The following ADARB1 variants were observed in gnomAD, a reference collection of about 807,000 sequenced individuals.
The protein encoded by ADARB1 is double-stranded RNA-specific editase 1.
In ADARB1, 10 loss-of-function variants were observed where a neutral mutation model predicts 52.4. The ratio of observed to expected loss-of-function variants is 0.19; its 90% CI spans 0.12 to 0.32. The LOEUF (loss-of-function observed/expected upper bound fraction) is 0.32, where lower values mean the gene tolerates loss of function less well. ADARB1 is among the 10% of genes least tolerant of loss of function. The pLI is 1.00. For synonymous variants in ADARB1, 349 were observed against 371.1 expected (o/e 0.94, Z 0.68); for missense variants, 643 against 922.3 (o/e 0.70, Z 3.92).
rs1232993090 is a variant in ADARB1, at chr21:45,157,676, T to C, written c.-47-13934T>C. Among the ~76,000 whole-genome samples, 3 of 151,916 alleles carry C rather than the reference T, an allele frequency of 2.0e-5. No homozygotes were observed. Among genetic ancestry groups the C allele is most frequent in the African/African-American group, 7.3e-5 (3 of 41,316 alleles). ...CAGTGTGGCTCTGTATGTGTGAACATGTATGGACATATGTGCATAGGGTGG... is the reference window on the plus strand; with the variant it reads ...CAGTGTGGCTCTGTATGTGTGAACACGTATGGACATATGTGCATAGGGTGG... On this transcript the variant is annotated intron_variant, in intron 2 of 10. Transcript: ENST00000348831. This position sits in a 1 kb window ranked among gnomAD's most constrained non-coding sequence, Gnocchi z 4.1.
chr21:45,192,091 G>A lies in ADARB1; in HGVS notation c.1565+7000G>A, dbSNP rs766386647. Reference sequence around the variant, plus strand: ...AAGGTTTGAGGCTTCTTTGAAATAAGCCAGTCGATTGTGGCATTCAGGCAG... The same window carrying A: ...AAGGTTTGAGGCTTCTTTGAAATAAACCAGTCGATTGTGGCATTCAGGCAG... On this transcript the variant is annotated intron_variant, in intron 8 of 10. Coordinates refer to ENST00000348831, the MANE Select transcript of ADARB1 (RefSeq NM_001112.4). Among the ~76,000 whole-genome samples, 175 of 151,768 alleles carry A rather than the reference G, an allele frequency of 1.2e-3. 1 individual carries two copies. Among genetic ancestry groups the A allele is most frequent in the Middle Eastern group, 3.4e-3 (1 of 294 alleles).
chr21:45,089,792 G>A (rs954190305), intron 1 of ADARB1, among the ~76,000 whole-genome samples: 2 of 152,122 alleles, frequency 1.3e-5, no homozygotes, highest in Non-Finnish European at 1.5e-5. Context: ...TATTATTCTT[G>A]TGTGATAAAG....
Position 45,224,474 on chromosome 21 carries a change from A to T in ADARB1, c.*2277A>T. 1 of 841,884 alleles carries T rather than the reference A, an allele frequency of 1.2e-6. No individual in the cohort carries two copies. Among genetic ancestry groups the T allele is most frequent in the Non-Finnish European group, 1.3e-6 (1 of 765,298 alleles). 52.2% of individuals were successfully genotyped at this position (841,884 alleles called of 1,614,324 possible). ...AGGCAGGAGGAAGGCAGCCAAGGCA[A>T]CTGGGTTCTGGGAGCCCTGGGTGGG... On this transcript the variant is annotated 3_prime_UTR_variant, in exon 11 of 11. Transcript: ENST00000348831.
intron 1 of ADARB1, chr21:45,116,884 C>G (rs1013690977): frequency 3.3e-5 from 5 of 152,086 alleles, no homozygotes; most frequent in Non-Finnish European, 7.4e-5. Context: ...CATGGCCAAA[C>G]AATATCTGTG....
chr21:45,221,549 G>T lies in ADARB1; in HGVS notation c.1927-469G>T, dbSNP rs1459335903. ...CCAGCATTGTGCACTGGCATGGGAG[G>T]TATAGCCAGAAGGGACAGTGCCCGG... On this transcript the variant is annotated intron_variant, in intron 10 of 10. Transcript: ENST00000348831. The surrounding 1 kb of genome is among the most constrained non-coding windows in gnomAD (Gnocchi z 4.9). Among the ~76,000 whole-genome samples, 1 of 152,180 alleles carries T rather than the reference G, an allele frequency of 6.6e-6. No homozygotes were observed. Among genetic ancestry groups the T allele is most frequent in the Non-Finnish European group, 1.5e-5 (1 of 68,040 alleles).
chr21:45,174,545 A>G (rs756982325), intron 3 of ADARB1, among the ~76,000 whole-genome samples: 2 of 152,162 alleles, frequency 1.3e-5, no homozygotes, highest in Non-Finnish European at 2.9e-5. Context: ...TCTACTAAAA[A>G]TACAAAAATT....
chr21:45,153,454 T>C (rs764587150), intron 2 of ADARB1, among the ~76,000 whole-genome samples: 3 of 152,148 alleles, frequency 2.0e-5, no homozygotes, highest in African/African-American at 4.8e-5. Context: ...CCTCTGCCTC[T>C]GTGTCTTCTG....
At chr21:45,163,032 G>A (rs1225531483) in intron 2 of ADARB1, among the ~76,000 whole-genome samples, 1 of 152,182 alleles carries the variant, frequency 6.6e-6, no homozygotes, top group Non-Finnish European at 1.5e-5. Flanking sequence ...TCGTTTTGCA[G>A]ACGGCAGGCT....
Position 45,128,733 on chromosome 21 carries a change from C to A in ADARB1, c.-48+160C>A, listed in dbSNP as rs2088747338. 6.6e-6 allele frequency among the ~76,000 whole-genome samples: 1 copy of A among 152,198 alleles called. No homozygotes were observed. Among genetic ancestry groups the A allele is most frequent in the Non-Finnish European group, 1.5e-5 (1 of 68,038 alleles). On this transcript the variant is annotated intron_variant, in intron 2 of 10. Transcript: ENST00000348831. This position sits in a 1 kb window ranked among gnomAD's most constrained non-coding sequence, Gnocchi z 4.6. ...CTGTTACTGTTGGTTGATTTCTAATCTTACTGCAGCCTTAGCTCACCCATG... is the reference window on the plus strand; with the variant it reads ...CTGTTACTGTTGGTTGATTTCTAATATTACTGCAGCCTTAGCTCACCCATG...
intron 1 of ADARB1, among the ~76,000 whole-genome samples, chr21:45,085,366 C>T (rs376794634): frequency 6.6e-6 from 1 of 152,072 alleles, no homozygotes; most frequent in East Asian, 1.9e-4. Flanking sequence ...ACACTTACTA[C>T]TTAGTGTTAA....
chr21:45,133,760 C>CGGG (rs1569047244), intron 2 of ADARB1: 3 of 223,816 alleles, frequency 1.3e-5, no homozygotes, highest in African/African-American at 9.0e-5. Context: ...GTGTGCCCGA[C>CGGG]GGTGTGTGCG....
intron 1 of ADARB1, among the ~76,000 whole-genome samples, chr21:45,086,780 C>A (rs2086363204): frequency 1.3e-5 from 2 of 152,214 alleles, no homozygotes; most frequent in African/African-American, 4.8e-5. Flanking sequence ...CATTAGCAAG[C>A]ATGTCTGCGT....
At chr21:45,124,791 G>GTA (rs1555891573) in intron 1 of ADARB1, among the ~76,000 whole-genome samples, 9,199 of 144,084 alleles carry the variant, frequency 0.064, 315 homozygotes, top group East Asian at 0.14. Context: ...GTGTGTATGT[G>GTA]TGTGTGTGTG....
In ADARB1 at chr21:45,224,532, C is replaced by T. The variant is rs2093024988; in HGVS notation, c.*2335C>T. 3.8e-6 allele frequency: 4 copies of T among 1,057,664 alleles called. No individual in the cohort carries two copies. Among genetic ancestry groups the T allele is most frequent in the Admixed American group, 5.5e-5 (1 of 18,280 alleles). 65.5% of individuals were successfully genotyped at this position (1,057,664 alleles called of 1,614,324 possible). ...TGGGGAGGAACTGGGTTCGGGGAGC[C>T]CTGGGCGGGGCGGCTGTTGGGGGGA... On this transcript the variant is annotated 3_prime_UTR_variant, in exon 11 of 11. Coordinates refer to ENST00000348831, the MANE Select transcript of ADARB1 (RefSeq NM_001112.4).
intron 1 of ADARB1, among the ~76,000 whole-genome samples, chr21:45,078,531 T>C (rs1046660313): frequency 1.3e-5 from 2 of 152,180 alleles, no homozygotes; most frequent in African/African-American, 4.8e-5. Flanking sequence ...TGAGCTGGGC[T>C]GAGGTCACGG....
rs142080142 is a variant in ADARB1, at chr21:45,178,645, C to G, written c.964-1685C>G. On this transcript the variant is annotated intron_variant, in intron 4 of 10. Transcript: ENST00000348831. Reference sequence around the variant, plus strand: ...CTAGGATGGGTGGAAAACCCTCACTCTTTTTCTAGAGTAACCCTTGAAGGA... The same window carrying G: ...CTAGGATGGGTGGAAAACCCTCACTGTTTTTCTAGAGTAACCCTTGAAGGA... 1.9e-4 allele frequency among the ~76,000 whole-genome samples: 29 copies of G among 152,294 alleles called. No homozygotes were observed. The East Asian group carries it at 5.6e-3, about 29-fold the overall frequency.
At chr21:45,148,750 C>T (rs1231175276) in intron 2 of ADARB1, among the ~76,000 whole-genome samples, 1 of 152,198 alleles carries the variant, frequency 6.6e-6, no homozygotes, top group Admixed American at 6.5e-5. Context: ...TAACATCCGC[C>T]CCTCCTCTGG....
intron 1 of ADARB1, among the ~76,000 whole-genome samples, chr21:45,084,846 A>C (rs1000367043): frequency 6.6e-6 from 1 of 152,196 alleles, no homozygotes; most frequent in Non-Finnish European, 1.5e-5. Flanking sequence ...CAAGGTGTCC[A>C]ACCCACCCAG....
intron 2 of ADARB1, among the ~76,000 whole-genome samples, chr21:45,147,477 G>A (rs1160615673): frequency 2.0e-5 from 3 of 152,214 alleles, no homozygotes; most frequent in African/African-American, 4.8e-5. Context: ...GCACAGATGC[G>A]TGCTTAGGTA....
Sources: gnomAD v4.1 joint callset for allele counts (sites outside exome capture counted in the v4.1 genomes callset) on GRCh38, gnomAD v4.1.1 for gene constraint, Gnocchi (gnomAD v3.1) non-coding constraint, MANE v1.5 for transcripts, NCBI Gene and HGNC (gene_info 2026-07-23, HGNC 2026-07-21) for gene names.